DAB1: variants seen among roughly 807,000 people sequenced by gnomAD.
DAB1 encodes the protein DAB adaptor protein 1, also known as disabled homolog 1.
A neutral mutation model predicts 64.6 loss-of-function variants in DAB1; 15 were observed. The ratio of observed to expected loss-of-function variants is 0.23; its 90% confidence interval spans 0.16 to 0.36. DAB1 has a LOEUF of 0.36. Among genes scored for constraint, DAB1 ranks in the 10% least tolerant of loss-of-function variants. The pLI is 1.00. For missense variants in DAB1, 596 were observed against 706.7 expected, an observed-to-expected ratio of 0.84 and a Z score of 1.78; for synonymous variants, 235 against 251.9, an observed-to-expected ratio of 0.93 and a Z score of 0.64.
chr1:58,258,828 G>A (rs1396257802), intron 4 of DAB1, among the ~76,000 whole-genome samples: 1 of 152,124 alleles, frequency 6.6e-6, no homozygotes, highest in Non-Finnish European at 1.5e-5. Context: ...ATGCCATTGG[G>A]GATCTGGCCA....
intron 4 of DAB1, among the ~76,000 whole-genome samples, chr1:58,177,502 T>A (rs1265674407): frequency 6.6e-6 from 1 of 152,172 alleles, no homozygotes; most frequent in Non-Finnish European, 1.5e-5. Context: ...GGAAAAAGAA[T>A]CACAATTAAC....
At chr1:58,407,974 C>T (rs948587410) in intron 3 of DAB1, among the ~76,000 whole-genome samples, 1 of 152,160 alleles carries the variant, frequency 6.6e-6, no homozygotes, top group Non-Finnish European at 1.5e-5. Context: ...TACTTGCCTC[C>T]TCACTCACTC....
chr1:57,671,246 A>C (rs888099506), intron 6 of DAB1, among the ~76,000 whole-genome samples: 2 of 152,158 alleles, frequency 1.3e-5, no homozygotes, highest in African/African-American at 4.8e-5. Flanking sequence ...AGAAGTGATC[A>C]GCACATTTTT....
At position 57,033,504 on chromosome 1, in the gene DAB1, A is replaced by G. The variant is rs1446739877; in HGVS notation, c.724-7461T>C. 5.6e-6 allele frequency: 9 copies of G among 1,612,730 alleles called. No individual in the cohort carries two copies. In the South Asian group the frequency reaches 9.9e-5, roughly 18 times the overall value. ...AAAATGACATGAAACAGTTAACCAG[A>G]GAGGGCTGTAATTCTTACCGGGGTG... On this transcript the variant is annotated intron_variant, in intron 9 of 14. Transcript: ENST00000371236.
At chr1:57,100,633 G>T (rs1041829593) in intron 4 of DAB1, among the ~76,000 whole-genome samples, 3 of 152,162 alleles carry the variant, frequency 2.0e-5, no homozygotes, top group African/African-American at 7.2e-5. Flanking sequence ...ATATATTCAA[G>T]GGGCAAAGTG....
intron 5 of DAB1, among the ~76,000 whole-genome samples, chr1:57,899,701 A>G (rs1031589386): frequency 2.6e-5 from 4 of 152,156 alleles, no homozygotes; most frequent in African/African-American, 7.2e-5. Context: ...TGGTAGAAAA[A>G]AAAAAAGTAC....
chr1:57,562,779 G>T (rs207460138), intron 7 of DAB1, among the ~76,000 whole-genome samples: 5 of 152,138 alleles, frequency 3.3e-5, no homozygotes, highest in African/African-American at 1.2e-4. Context: ...CTGCCACCAG[G>T]AGACACGACA....
chr1:58,345,927 C>T (rs1643991487), intron 3 of DAB1, among the ~76,000 whole-genome samples: 1 of 152,138 alleles, frequency 6.6e-6, no homozygotes, highest in Non-Finnish European at 1.5e-5. Flanking sequence ...AGATTTTTTT[C>T]TGCTGCCAAG....
chr1:58,375,007 T>C lies in DAB1; in HGVS notation n.258-31604A>G, dbSNP rs1424799820. On this transcript the variant is annotated intron_variant and non_coding_transcript_variant, in intron 3 of 20. Transcript: ENST00000485760. ...GTCTGTTGTTGGTGTATAGGAATGCTTGTGATTTTTGTACATTGATTTTGT... is the reference window on the plus strand; with the variant it reads ...GTCTGTTGTTGGTGTATAGGAATGCCTGTGATTTTTGTACATTGATTTTGT... Among the ~76,000 whole-genome samples the C allele has an allele frequency of 1.6e-4, 22 of 138,486 alleles. No homozygotes were observed. In the East Asian group the frequency reaches 4.5e-3, roughly 28 times the overall value. 90.9% of individuals were successfully genotyped at this position (138,486 alleles called of 152,430 possible). A position where few individuals can be genotyped will look rare whatever the true frequency, so the allele number is the denominator to read the frequency against.
At chr1:57,473,976 T>C (rs1004290792) in intron 7 of DAB1, among the ~76,000 whole-genome samples, 1 of 152,168 alleles carries the variant, frequency 6.6e-6, no homozygotes, top group Non-Finnish European at 1.5e-5. Flanking sequence ...TTACGATCAA[T>C]ATAAAACAAA....
chr1:57,517,637 A>G (rs1644478096), intron 7 of DAB1, among the ~76,000 whole-genome samples: 1 of 152,230 alleles, frequency 6.6e-6, no homozygotes, highest in Non-Finnish European at 1.5e-5. Context: ...TCATATTTGC[A>G]TTTCTTTGAA....
chr1:57,340,719 A>C (rs1677504642), intron 1 of DAB1, among the ~76,000 whole-genome samples: 2 of 152,138 alleles, frequency 1.3e-5, no homozygotes, highest in Non-Finnish European at 2.9e-5. Context: ...TGTGTCATTT[A>C]TTGCTCACCA....
intron 2 of DAB1, among the ~76,000 whole-genome samples, chr1:58,512,898 GTACT>G (rs1372979508): frequency 6.6e-6 from 1 of 150,810 alleles, no homozygotes; most frequent in Non-Finnish European, 1.5e-5. Context: ...CATGTTAAAT[GTACT>G]TACTAAAAAA....
intron 7 of DAB1, among the ~76,000 whole-genome samples, chr1:57,616,497 G>A (rs1645791730): frequency 6.6e-6 from 1 of 152,084 alleles, no homozygotes; most frequent in Non-Finnish European, 1.5e-5. Context: ...TTGAATGAAA[G>A]ACTATTTAAC....
At chr1:57,166,282 C>T (rs1661203379) in intron 2 of DAB1, among the ~76,000 whole-genome samples, 1 of 152,074 alleles carries the variant, frequency 6.6e-6, no homozygotes, top group Non-Finnish European at 1.5e-5. Flanking sequence ...ATCCAGCTCT[C>T]CTTGACTCCA....
chr1:57,266,014 G>A (rs1670565017), intron 2 of DAB1, among the ~76,000 whole-genome samples: 1 of 152,096 alleles, frequency 6.6e-6, no homozygotes, highest in South Asian at 2.1e-4. Flanking sequence ...CCACACATGA[G>A]GCAGGCCAGG....
chr1:57,350,189 C>G (rs1678465329), intron 1 of DAB1, among the ~76,000 whole-genome samples: 1 of 152,152 alleles, frequency 6.6e-6, no homozygotes, highest in African/African-American at 2.4e-5. Flanking sequence ...ATTTCATCTT[C>G]AAGTGATTTA....
At chr1:57,497,233 C>CTCT (rs1384052782) in intron 7 of DAB1, among the ~76,000 whole-genome samples, 8 of 152,190 alleles carry the variant, frequency 5.3e-5, no homozygotes, top group African/African-American at 1.9e-4. Flanking sequence ...TTCTTTATAG[C>CTCT]ACTTATTACT....
chr1:57,388,949 T>C (rs1324579822), intron 1 of DAB1, among the ~76,000 whole-genome samples: 1 of 152,250 alleles, frequency 6.6e-6, no homozygotes, highest in Non-Finnish European at 1.5e-5. Context: ...TTCAGGGCCC[T>C]TGAAGCTGTC....
Sources: allele counts gnomAD v4.1 joint callset (sites outside exome capture counted in the v4.1 genomes callset), GRCh38; gene constraint gnomAD v4.1.1; transcripts MANE v1.5; gene names NCBI Gene and HGNC (gene_info 2026-07-23, HGNC 2026-07-21).